The following DPYD variants were observed in gnomAD, a reference collection of about 807,000 sequenced individuals.
DPYD encodes the protein dihydropyrimidine dehydrogenase [NADP(+)].
Under a neutral mutation model 116.2 loss-of-function variants are expected in DPYD, and 109 were observed. That is an observed-to-expected ratio of 0.94 (90% CI 0.80 to 1.10). DPYD has a LOEUF of 1.10. Among genes scored for constraint, DPYD ranks in the 50% least tolerant of loss-of-function variants. The pLI is 0.00. For missense variants in DPYD, 1,302 were observed against 1,254.5 expected, an observed-to-expected ratio of 1.04 and a Z score of -0.57; for synonymous variants, 440 against 432.0, an observed-to-expected ratio of 1.02 and a Z score of -0.23.
intron 20 of DPYD, among the ~76,000 whole-genome samples, chr1:97,173,323 TAC>T (rs1281459803): frequency 7.3e-5 from 10 of 136,420 alleles, no homozygotes; most frequent in South Asian, 6.4e-4. Context: ...CACACATATA[TAC>T]ACATATATGT....
intron 18 of DPYD, among the ~76,000 whole-genome samples, chr1:97,264,168 T>G (rs932626581): frequency 9.1e-5 from 8 of 87,574 alleles, no homozygotes; most frequent in Non-Finnish European, 1.7e-4. Context: ...TTCTGTTTTT[T>G]TTTTTTTTTT....
At chr1:97,711,640 AG>A (rs1440902797) in intron 5 of DPYD, among the ~76,000 whole-genome samples, 2 of 152,056 alleles carry the variant, frequency 1.3e-5, no homozygotes, top group Non-Finnish European at 2.9e-5. Flanking sequence ...AGAAAAGTAT[AG>A]ATTTCTTAAA....
At chr1:97,842,892 A>G (rs1290033526) in intron 2 of DPYD, among the ~76,000 whole-genome samples, 3 of 152,090 alleles carry the variant, frequency 2.0e-5, no homozygotes, top group Non-Finnish European at 4.4e-5. Context: ...GTTCTCATCT[A>G]AAGCACTTAT....
At chr1:97,361,709 G>C (rs774128016) in intron 16 of DPYD, among the ~76,000 whole-genome samples, 3 of 152,146 alleles carry the variant, frequency 2.0e-5, no homozygotes, top group Non-Finnish European at 4.4e-5. Flanking sequence ...AAAACCATAT[G>C]ATTATCTCAA....
chr1:97,706,721 T>C (rs1661976945), intron 5 of DPYD, among the ~76,000 whole-genome samples: 1 of 152,122 alleles, frequency 6.6e-6, no homozygotes, highest in African/African-American at 2.4e-5. Flanking sequence ...TCCTGAATAA[T>C]ATTGCAATAT....
intron 14 of DPYD, among the ~76,000 whole-genome samples, chr1:97,423,249 G>A (rs996492303): frequency 1.3e-5 from 2 of 152,120 alleles, no homozygotes; most frequent in Non-Finnish European, 2.9e-5. Context: ...TTGACTTGAA[G>A]ATGGAGCTGA....
intron 13 of DPYD, among the ~76,000 whole-genome samples, chr1:97,465,113 T>C (rs1360765947): frequency 6.6e-6 from 1 of 152,184 alleles, no homozygotes; most frequent in Admixed American, 6.5e-5. Flanking sequence ...CTTTTTAAGA[T>C]TTGACTGCCC....
chr1:97,521,094 A>G (rs1648623230), intron 12 of DPYD, among the ~76,000 whole-genome samples: 2 of 152,216 alleles, frequency 1.3e-5, no homozygotes, highest in East Asian at 3.9e-4. Flanking sequence ...TCCCACCAAC[A>G]GTGTAAAAGT....
At chr1:97,825,939 C>A (rs949559764) in intron 3 of DPYD, among the ~76,000 whole-genome samples, 1 of 152,118 alleles carries the variant, frequency 6.6e-6, no homozygotes, top group African/African-American at 2.4e-5. Flanking sequence ...TTAAAAAGCA[C>A]CTGACCCACC....
chr1:97,176,054 C>T lies in DPYD; in HGVS notation c.2622+17015G>A, dbSNP rs1273262769. Among the ~76,000 whole-genome samples, 6 of 152,140 alleles carry T rather than the reference C, an allele frequency of 3.9e-5. No homozygotes were observed. The East Asian group carries it at 1.2e-3, about 29-fold the overall frequency. ...TGTGACATATTGGAGTGTTACTGAA[C>T]AAACATCAGTGAAGCCTATGTCTTG... On this transcript the variant is annotated intron_variant, in intron 20 of 22. Transcript: ENST00000370192.
intron 1 of DPYD, among the ~76,000 whole-genome samples, chr1:97,899,926 T>A (rs770668966): frequency 2.1e-4 from 32 of 151,922 alleles, no homozygotes; most frequent in Non-Finnish European, 3.7e-4. Context: ...TTAACAAATG[T>A]CTGTGGCAGA....
At position 97,515,787 on chromosome 1, in the gene DPYD, A is replaced by C. The variant is rs55886062; in HGVS notation, c.1679T>G (p.Ile560Ser). 6.5e-4 allele frequency: 1,056 copies of C among 1,612,998 alleles called. No homozygotes were observed. The highest frequency in any genetic ancestry group is 8.4e-4 in the Non-Finnish European group (996 of 1,179,282). ...SATPATSTSM[I>S]RRAFEAGWGF... is the part of the protein sequence containing the mutation. ...CCATCCAGCTTCAAAAGCTCTTCGA[A>C]TCATTGATGTGCTGGTGGCTGGAGT... Residue 560 changes from isoleucine to serine, a missense_variant, in exon 13 of 23, where the codon ATT becomes AGT. Physicochemically the swap from Ile to Ser is moderately radical, Grantham distance 142. Coordinates refer to ENST00000370192, the MANE Select transcript of DPYD (RefSeq NM_000110.4).
At chr1:97,798,047 A>G (rs1557969901) in intron 3 of DPYD, 1 of 152,084 alleles carries the variant, frequency 6.6e-6, no homozygotes, top group Non-Finnish European at 1.5e-5. Context: ...ACAAAAGTTT[A>G]TTGGATCTTA....
rs199882465 is a variant in DPYD, at chr1:97,320,261, G to A, written c.2059-13964C>T. On this transcript the variant is annotated intron_variant, in intron 16 of 22. Transcript: ENST00000370192. Reference sequence around the variant, plus strand: ...AATCAGGCAGGAGAAAGAAATAAAGGGTATTCAACTAGGAAAAGAGGAAGT... The same window carrying A: ...AATCAGGCAGGAGAAAGAAATAAAGAGTATTCAACTAGGAAAAGAGGAAGT... Among the ~76,000 whole-genome samples the A allele has an allele frequency of 8.3e-4, 120 of 143,826 alleles. 2 individuals are homozygous for A. The East Asian group carries it at 0.022, about 26-fold the overall frequency. The allele number at this position is 143,826 out of a possible 152,430, so 94.4% of individuals were successfully genotyped here.
At chr1:97,639,123 T>G (rs1229413616) in intron 8 of DPYD, among the ~76,000 whole-genome samples, 1 of 152,178 alleles carries the variant, frequency 6.6e-6, no homozygotes, top group African/African-American at 2.4e-5. Flanking sequence ...GACACTGGGT[T>G]GCATTCAACC....
At chr1:97,716,209 G>T (rs1324996411) in intron 5 of DPYD, among the ~76,000 whole-genome samples, 1 of 151,846 alleles carries the variant, frequency 6.6e-6, no homozygotes, top group Non-Finnish European at 1.5e-5. Context: ...GTCTACCCTT[G>T]ATAAAATATA....
chr1:97,186,246 T>A (rs1230793058), intron 20 of DPYD, among the ~76,000 whole-genome samples: 1 of 152,222 alleles, frequency 6.6e-6, no homozygotes, highest in Admixed American at 6.5e-5. Context: ...CAGTTTTTTT[T>A]ATTAGTATAA....
chr1:97,493,344 C>A (rs535506353), intron 13 of DPYD, among the ~76,000 whole-genome samples: 1 of 152,118 alleles, frequency 6.6e-6, no homozygotes, highest in African/African-American at 2.4e-5. Flanking sequence ...AAAACACAAG[C>A]CATGAAGGAA....
At chr1:97,519,030 C>T (rs1648446316) in intron 12 of DPYD, among the ~76,000 whole-genome samples, 1 of 151,934 alleles carries the variant, frequency 6.6e-6, no homozygotes, top group Non-Finnish European at 1.5e-5. Flanking sequence ...TTTTAGATGA[C>T]CTTTAATTTT....
Sources: gnomAD v4.1 joint callset for allele counts (sites outside exome capture counted in the v4.1 genomes callset) on GRCh38, gnomAD v4.1.1 for gene constraint, MANE v1.5 for transcripts, NCBI Gene and HGNC (gene_info 2026-07-23, HGNC 2026-07-21) for gene names.